DAP3: variants seen among roughly 807,000 people sequenced by gnomAD.
DAP3 encodes death associated protein 3.
DAP3 carries 28 observed loss-of-function variants against 51.9 expected under a neutral mutation model. The observed-to-expected ratio is 0.54, with a 90% confidence interval of 0.40 to 0.74. The LOEUF is 0.74. DAP3 is among the 30% of genes least tolerant of loss of function. The pLI, the probability that DAP3 is intolerant of heterozygous loss-of-function variation, is 0.00. For synonymous variants in DAP3, 170 were observed against 170.3 expected (o/e 1.00, Z 0.01); for missense variants, 458 against 483.5 (o/e 0.95, Z 0.49).
intron 1 of DAP3, among the ~76,000 whole-genome samples, chr1:155,694,491 GT>G (rs1210007333): frequency 8.5e-5 from 12 of 141,542 alleles, no homozygotes; most frequent in Non-Finnish European, 1.8e-4. Flanking sequence ...GAGGTTAGTG[GT>G]TTTTGTTGTG....
intron 1 of DAP3, among the ~76,000 whole-genome samples, chr1:155,700,734 G>A (rs1222955437): frequency 6.9e-6 from 1 of 144,894 alleles, no homozygotes; most frequent in Non-Finnish European, 1.5e-5. Flanking sequence ...GCCCCGTCCG[G>A]GAGGGAGGTG....
chr1:155,701,616 A>G (rs942731465), intron 1 of DAP3, among the ~76,000 whole-genome samples: 2 of 130,888 alleles, frequency 1.5e-5, no homozygotes, highest in Non-Finnish European at 3.2e-5. Flanking sequence ...CCTTCCCTCC[A>G]CTATTGTCCC....
chr1:155,727,849 A>C, intron 7 of DAP3, 111 bp downstream of exon 7: 3 of 1,264,588 alleles, frequency 2.4e-6, no homozygotes, highest in Non-Finnish European at 3.2e-6. Context: ...TAACTGTATC[A>C]TTTTTAATTT....
At chr1:155,716,134 T>C (rs1657305230) in intron 2 of DAP3, among the ~76,000 whole-genome samples, 1 of 152,214 alleles carries the variant, frequency 6.6e-6, no homozygotes, top group South Asian at 2.1e-4. Flanking sequence ...CTGAATAATC[T>C]CTGACAGAAT....
intron 11 of DAP3, 173 bp from the exon 12 acceptor site, chr1:155,736,773 A>G: frequency 1.6e-6 from 1 of 638,906 alleles, no homozygotes; most frequent in Non-Finnish European, 2.8e-6. Flanking sequence ...GCCAGCCACC[A>G]TATGTGGAGT....
Position 155,738,164 on chromosome 1 carries a change from A to G in DAP3, c.1119A>G (p.Thr373=), listed in dbSNP as rs746021113. 2.5e-6 allele frequency: 4 copies of G among 1,586,816 alleles called. No individual in the cohort carries two copies. The African/African-American group carries it at 5.4e-5, about 21-fold the overall frequency. The change falls in exon 13 of 13, where the codon ACA becomes ACG. Residue 373 remains threonine, a synonymous_variant. Coordinates refer to ENST00000368336, the MANE Select transcript of DAP3 (RefSeq NM_004632.4). Reference sequence around the variant, plus strand: ...TGTTTGTCTCCATTTTAGCTCCTACAGAAGAAGGGAAAAAAGAGCTGCTGT... The same window carrying G: ...TGTTTGTCTCCATTTTAGCTCCTACGGAAGAAGGGAAAAAAGAGCTGCTGT... ...NNWLQHEKAP[T]EEGKKELLFL...
chr1:155,688,965 C>T (rs752907312), upstream of DAP3: 14 of 1,610,120 alleles, frequency 8.7e-6, 1 homozygote, highest in African/African-American at 1.5e-4. Context: ...TGCGGCTCGC[C>T]TCCTCCTCCA....
intron 1 of DAP3, 118 bp downstream of exon 1, chr1:155,689,292 C>T (rs1232008971): frequency 2.7e-5 from 17 of 632,030 alleles, no homozygotes; most frequent in Non-Finnish European, 4.7e-5. Context: ...GGGATTCCTC[C>T]CGGGCGTTGA....
chr1:155,688,671 G>T, upstream of DAP3: 1 of 1,532,566 alleles, frequency 6.5e-7, no homozygotes, highest in Non-Finnish European at 8.7e-7. Flanking sequence ...TCAGCGGCGC[G>T]AGCCCAAGCC....
At chr1:155,695,432 G>A (rs1397477499) in intron 1 of DAP3, among the ~76,000 whole-genome samples, 2 of 152,142 alleles carry the variant, frequency 1.3e-5, no homozygotes, top group African/African-American at 4.8e-5. Context: ...ATAGTTGTTT[G>A]TAAGTCCTGT....
At chr1:155,725,350 A>AC in intron 4 of DAP3, 32 bp from the exon 5 acceptor site, 1 of 1,586,176 alleles carries the variant, frequency 6.3e-7, no homozygotes, top group South Asian at 1.1e-5. Context: ...TTCCACACCC[A>AC]CCCACTCTTT....
At chr1:155,717,244 A>AAT in intron 3 of DAP3, 116 bp downstream of exon 3, 1 of 1,482,672 alleles carries the variant, frequency 6.7e-7, no homozygotes. Flanking sequence ...ATTTACTCAG[A>AAT]TAGTGCACCT....
intron 1 of DAP3, among the ~76,000 whole-genome samples, chr1:155,693,977 A>G (rs1571417196): frequency 2.1e-5 from 3 of 141,432 alleles, no homozygotes. Context: ...AAAAGAAAGA[A>G]AAAAAAAGAG....
Position 155,715,070 on chromosome 1 carries a change from G to A in DAP3, c.46-1936G>A, listed in dbSNP as rs371743754. ...ATAGAAAAATTAGCTGGGCATGGTG[G>A]CACACTCCTATAATCCCAGCTGCTC... is the stretch of plus-strand genomic sequence containing the variant. On this transcript the variant is annotated intron_variant, in intron 2 of 12. Coordinates refer to ENST00000368336, the MANE Select transcript of DAP3 (RefSeq NM_004632.4). Among the ~76,000 whole-genome samples, 4 of 152,098 alleles carry A rather than the reference G, an allele frequency of 2.6e-5. No homozygotes were observed. The East Asian group carries it at 5.8e-4, about 22-fold the overall frequency.
Position 155,727,619 on chromosome 1 carries a change from G to T in DAP3, c.484G>T (p.Val162Leu). The T allele has an allele frequency of 1.9e-6, 3 of 1,610,982 alleles. No individual in the cohort carries two copies. The highest frequency in any genetic ancestry group is 2.2e-5 in the South Asian group (2 of 90,576). Residue 162 changes from valine to leucine, a missense_variant, in exon 7 of 13, where the codon GTG becomes TTG. By Grantham distance (32) the Val-to-Leu change is conservative. Coordinates refer to ENST00000368336, the MANE Select transcript of DAP3 (RefSeq NM_004632.4). ...ILHIPDAHLW[V>L]KNCRDLLQSS... Reference sequence around the variant, plus strand: ...TCTTTTTTTTAAAGCTCATCTTTGGGTGAAAAATTGTCGGGATCTTCTGCA... The same window carrying T: ...TCTTTTTTTTAAAGCTCATCTTTGGTTGAAAAATTGTCGGGATCTTCTGCA...
chr1:155,704,843 G>T (rs1393888256), intron 1 of DAP3, among the ~76,000 whole-genome samples: 1 of 152,138 alleles, frequency 6.6e-6, no homozygotes, highest in East Asian at 1.9e-4. Flanking sequence ...AGCTGGCGTG[G>T]TGGCGGGCGC....
intron 1 of DAP3, among the ~76,000 whole-genome samples, chr1:155,708,601 G>A (rs1656294218): frequency 7.0e-6 from 1 of 142,048 alleles, no homozygotes; most frequent in Admixed American, 7.1e-5. Context: ...GCGTACAGTG[G>A]TGTGATATCA....
Position 155,727,603 on chromosome 1 carries a change from TA to T in DAP3, c.473-2del. 1 of 1,610,044 alleles carries T rather than the reference TA, an allele frequency of 6.2e-7. No individual in the cohort carries two copies. ...CTTGTTTTCTTCTGCCTCTTTTTTTTAAAGCTCATCTTTGGGTGAAAAATTG... is the reference window on the plus strand; with the variant it reads ...CTTGTTTTCTTCTGCCTCTTTTTTTTAAGCTCATCTTTGGGTGAAAAATTG... On this transcript the variant is annotated splice_region_variant and splice_polypyrimidine_tract_variant and intron_variant, in intron 6 of 12. Coordinates refer to ENST00000368336, the MANE Select transcript of DAP3 (RefSeq NM_004632.4).
At chr1:155,688,303 C>T (rs767191256), upstream of DAP3, 27 of 1,566,314 alleles carry the variant, frequency 1.7e-5, no homozygotes, top group Non-Finnish European at 2.2e-5. Context: ...TTTCCCCTCG[C>T]AAAGCGAACC....
Sources: gnomAD v4.1 joint callset for allele counts (sites outside exome capture counted in the v4.1 genomes callset) on GRCh38, gnomAD v4.1.1 for gene constraint, MANE v1.5 for transcripts, NCBI Gene and HGNC (gene_info 2026-07-23, HGNC 2026-07-21) for gene names.